Variants in SGCZ observed in about 807,000 individuals in gnomAD.
The protein encoded by SGCZ is zeta-sarcoglycan.
Under a neutral mutation model 41.3 loss-of-function variants are expected in SGCZ, and 40 were observed. The observed-to-expected ratio is 0.97, with a 90% confidence interval of 0.75 to 1.26. SGCZ has a LOEUF of 1.26. Ranked by LOEUF, SGCZ falls within the 50% of genes most tolerant of loss-of-function variation. The probability of loss-of-function intolerance (pLI) is 0.00; values close to 1 mark genes in which losing one functional copy is unlikely to be tolerated. For synonymous variants in SGCZ, 206 were observed against 137.5 expected, an observed-to-expected ratio of 1.50 and a Z score of -3.49; for missense variants, 552 against 369.8, an observed-to-expected ratio of 1.49 and a Z score of -4.04.
chr8:15,210,540 T>G (rs936698889), intron 1 of SGCZ, among the ~76,000 whole-genome samples: 7 of 152,142 alleles, frequency 4.6e-5, no homozygotes, highest in African/African-American at 1.7e-4. Flanking sequence ...CTCTTGGCTG[T>G]CTTCAGATCA....
intron 1 of SGCZ, among the ~76,000 whole-genome samples, chr8:15,190,650 T>A (rs1800505133): frequency 6.7e-6 from 1 of 150,328 alleles, no homozygotes. Context: ...GCCTTCAAAG[T>A]TTTTACATAA....
chr8:14,118,416 G>T (rs546124056), intron 5 of SGCZ, among the ~76,000 whole-genome samples: 3,233 of 152,020 alleles, frequency 0.021, 144 homozygotes, highest in African/African-American at 0.075. Context: ...TGATGGGGTT[G>T]TTTTTTTCTT....
Position 14,237,666 on chromosome 8 carries a change from A to G in SGCZ, c.350T>C (p.Val117Ala). Residue 117 changes from valine (V) to alanine (A), a missense_variant, in exon 4 of 8, where the codon GTC becomes GCC. Coordinates refer to ENST00000382080, the MANE Select transcript of SGCZ (RefSeq NM_139167.4). ...EIHSRKDSPL[V>A]LQSDRNVTVN... ...TGTGACATTCCTGTCAGACTGTAAG[A>G]CCAGCGGACTATCCTGGGAAACATG... is the stretch of plus-strand genomic sequence containing the variant. The G allele has an allele frequency of 6.2e-7, 1 of 1,613,808 alleles. No individual in the cohort carries two copies. The highest frequency in any genetic ancestry group is 8.5e-7 in the Non-Finnish European group (1 of 1,179,742).
intron 2 of SGCZ, among the ~76,000 whole-genome samples, chr8:14,546,130 G>C (rs1040306887): frequency 2.0e-4 from 31 of 152,134 alleles, no homozygotes; most frequent in African/African-American, 7.5e-4. Context: ...CAACATTAAC[G>C]ATATCATTTA....
intron 1 of SGCZ, among the ~76,000 whole-genome samples, chr8:14,709,103 T>C (rs1809432002): frequency 6.6e-6 from 1 of 152,168 alleles, no homozygotes; most frequent in Admixed American, 6.5e-5. Flanking sequence ...ATTCTATCCC[T>C]TTCTCCTTTT....
At chr8:14,822,741 A>G (rs1442617381) in intron 1 of SGCZ, among the ~76,000 whole-genome samples, 1 of 151,780 alleles carries the variant, frequency 6.6e-6, no homozygotes, top group Non-Finnish European at 1.5e-5. Context: ...TCTCTTCAAT[A>G]AATTGTGCTG....
intron 1 of SGCZ, among the ~76,000 whole-genome samples, chr8:14,777,059 C>G (rs372679858): frequency 3.3e-5 from 5 of 152,076 alleles, no homozygotes; most frequent in South Asian, 4.1e-4. Flanking sequence ...TGTATGAATC[C>G]CAAGTGTGGT....
intron 1 of SGCZ, among the ~76,000 whole-genome samples, chr8:15,072,991 G>C (rs1355249566): frequency 6.6e-6 from 1 of 152,132 alleles, no homozygotes; most frequent in Non-Finnish European, 1.5e-5. Context: ...AAGCATTAGA[G>C]TGTTAAATGC....
chr8:14,412,195 G>C (rs1033706524), intron 2 of SGCZ, among the ~76,000 whole-genome samples: 4 of 152,018 alleles, frequency 2.6e-5, no homozygotes, highest in Non-Finnish European at 4.4e-5. Context: ...TCACAGACCG[G>C]AATGCAAACC....
chr8:14,727,243 A>T (rs1398456602), intron 1 of SGCZ, among the ~76,000 whole-genome samples: 1 of 152,190 alleles, frequency 6.6e-6, no homozygotes, highest in Non-Finnish European at 1.5e-5. Flanking sequence ...TCTTTACTCA[A>T]CAGGATTATA....
chr8:15,233,601 T>C (rs1031115921), intron 1 of SGCZ, among the ~76,000 whole-genome samples: 1 of 152,054 alleles, frequency 6.6e-6, no homozygotes, highest in African/African-American at 2.4e-5. Context: ...AGATGAAATG[T>C]TGATTCAATT....
At chr8:14,685,310 A>G (rs2197106) in intron 1 of SGCZ, among the ~76,000 whole-genome samples, 56,618 of 151,874 alleles carry the variant, frequency 0.37, 12,924 homozygotes, top group African/African-American at 0.65. Flanking sequence ...TACAGAGTAA[A>G]AAAGATTAAA....
intron 4 of SGCZ, among the ~76,000 whole-genome samples, chr8:14,208,009 A>G (rs984763537): frequency 7.2e-5 from 11 of 152,176 alleles, no homozygotes; most frequent in Non-Finnish European, 1.5e-4. Flanking sequence ...ATGATGGACT[A>G]TTAATGTTTC....
intron 1 of SGCZ, among the ~76,000 whole-genome samples, chr8:15,141,909 A>C (rs1460321550): frequency 3.4e-5 from 5 of 148,178 alleles, no homozygotes; most frequent in East Asian, 2.1e-4. Flanking sequence ...AAAAAAAAAA[A>C]CAAAAAAAAT....
intron 1 of SGCZ, among the ~76,000 whole-genome samples, chr8:15,177,388 GCCTTA>G (rs374994279): frequency 1.7e-3 from 261 of 152,278 alleles, no homozygotes; most frequent in African/African-American, 6.0e-3. Flanking sequence ...AGGAGCTGAG[GCCTTA>G]CCTCAATGGA....
At chr8:14,221,931 A>G (rs1806209428) in intron 4 of SGCZ, among the ~76,000 whole-genome samples, 1 of 151,528 alleles carries the variant, frequency 6.6e-6, no homozygotes, top group Non-Finnish European at 1.5e-5. Context: ...ACTGCACTCC[A>G]GCCTGGGTGA....
At chr8:14,469,256 G>A (rs1801141817) in intron 2 of SGCZ, among the ~76,000 whole-genome samples, 1 of 152,092 alleles carries the variant, frequency 6.6e-6, no homozygotes, top group Non-Finnish European at 1.5e-5. Context: ...TCATTGACAT[G>A]TTGGGCTGGA....
At chr8:14,633,493 A>C (rs1437843885) in intron 1 of SGCZ, among the ~76,000 whole-genome samples, 1 of 151,892 alleles carries the variant, frequency 6.6e-6, no homozygotes, top group Non-Finnish European at 1.5e-5. Context: ...CTTAAGCAAA[A>C]TCATTTATTA....
chr8:14,418,963 A>G (rs1799569133), intron 2 of SGCZ, among the ~76,000 whole-genome samples: 1 of 151,954 alleles, frequency 6.6e-6, no homozygotes, highest in South Asian at 2.1e-4. Flanking sequence ...CTGTATCTTC[A>G]TGTTAACTAT....
Sources: gnomAD v4.1 joint callset for allele counts (sites outside exome capture counted in the v4.1 genomes callset) on GRCh38, gnomAD v4.1.1 for gene constraint, MANE v1.5 for transcripts, NCBI Gene and HGNC (gene_info 2026-07-23, HGNC 2026-07-21) for gene names.